Variants in UGT8 observed in about 807,000 individuals in gnomAD.
The protein encoded by UGT8 is 2-hydroxyacylsphingosine 1-beta-galactosyltransferase.
A neutral mutation model predicts 40.5 loss-of-function variants in UGT8; 12 were observed. The ratio of observed to expected loss-of-function variants is 0.30; its 90% CI spans 0.19 to 0.48. The LOEUF (loss-of-function observed/expected upper bound fraction) is 0.48. Among genes scored for constraint, UGT8 ranks in the 20% least tolerant of loss-of-function variants. UGT8 has a pLI of 0.99. For synonymous variants in UGT8, 224 were observed against 240.4 expected (o/e 0.93, Z 0.63); for missense variants, 513 against 648.7 (o/e 0.79, Z 2.27).
At chr4:114,604,699 A>C (rs1730635817) in intron 1 of UGT8, among the ~76,000 whole-genome samples, 1 of 152,140 alleles carries the variant, frequency 6.6e-6, no homozygotes, top group African/African-American at 2.4e-5. Context: ...CACATAGTAC[A>C]TATTGTTTAC....
At chr4:114,602,194 T>TA (rs34723146) in intron 1 of UGT8, among the ~76,000 whole-genome samples, 1 of 152,058 alleles carries the variant, frequency 6.6e-6, no homozygotes, top group African/African-American at 2.4e-5. Context: ...AAGCAGCCTT[T>TA]AAAAAAAAGT....
chr4:114,605,946 T>C (rs1730704357), intron 1 of UGT8, among the ~76,000 whole-genome samples: 1 of 152,176 alleles, frequency 6.6e-6, no homozygotes, highest in South Asian at 2.1e-4. Flanking sequence ...AAGCACATTA[T>C]ATATTAAATA....
At chr4:114,666,651 T>G (rs563505630) in intron 4 of UGT8, among the ~76,000 whole-genome samples, 4 of 152,310 alleles carry the variant, frequency 2.6e-5, no homozygotes, top group South Asian at 4.1e-4. Context: ...ATCAACTATT[T>G]CAGTGCGACA....
At chr4:114,632,025 C>T (rs895748898) in intron 2 of UGT8, among the ~76,000 whole-genome samples, 2 of 152,134 alleles carry the variant, frequency 1.3e-5, no homozygotes, top group African/African-American at 4.8e-5. Context: ...ACAGCCATGT[C>T]AGTAATAGGT....
At chr4:114,674,478 G>T (rs1478408531) in intron 5 of UGT8, among the ~76,000 whole-genome samples, 1 of 151,908 alleles carries the variant, frequency 6.6e-6, no homozygotes, top group East Asian at 1.9e-4. Flanking sequence ...GGTCATTATT[G>T]AGGTCTTTTT....
intron 1 of UGT8, among the ~76,000 whole-genome samples, chr4:114,609,979 A>AT (rs1181825167): frequency 1.3e-5 from 2 of 152,078 alleles, no homozygotes; most frequent in Non-Finnish European, 2.9e-5. Context: ...ATATATTGTA[A>AT]TTTTTTCATG....
intron 2 of UGT8, among the ~76,000 whole-genome samples, chr4:114,640,119 C>T (rs567847268): frequency 2.0e-5 from 3 of 151,742 alleles, no homozygotes; most frequent in Non-Finnish European, 2.9e-5. Context: ...CAAGCTCCGC[C>T]TCCCGGGTTC....
At chr4:114,647,707 G>C (rs1283117634) in intron 2 of UGT8, among the ~76,000 whole-genome samples, 1 of 152,036 alleles carries the variant, frequency 6.6e-6, no homozygotes, top group East Asian at 1.9e-4. Context: ...AGGACTGCTT[G>C]TATCTCCATT....
At chr4:114,645,991 A>G (rs1189113625) in intron 2 of UGT8, among the ~76,000 whole-genome samples, 1 of 152,142 alleles carries the variant, frequency 6.6e-6, no homozygotes, top group Non-Finnish European at 1.5e-5. Flanking sequence ...TAAATAGATA[A>G]CTGCACAGAG....
intron 2 of UGT8, among the ~76,000 whole-genome samples, chr4:114,632,027 G>A (rs4521362): frequency 0.88 from 133,829 of 152,196 alleles, 60,578 homozygotes; most frequent in East Asian, 1. Flanking sequence ...AGCCATGTCA[G>A]TAATAGGTAA....
At chr4:114,610,657 G>A (rs1470785760) in intron 1 of UGT8, among the ~76,000 whole-genome samples, 2 of 152,032 alleles carry the variant, frequency 1.3e-5, no homozygotes, top group African/African-American at 4.8e-5. Flanking sequence ...ATACAACCTT[G>A]TCCTAGTGAT....
Position 114,675,972 on chromosome 4 carries a change from C to G in UGT8, c.1310C>G (p.Pro437Arg), listed in dbSNP as rs1481163907. ...CTTTCGGAAATTCACAAGGATCAAC[C>G]TGGTCACCCTGTCAATCGAACTATC... ...QKLSEIHKDQ[P>R]GHPVNRTIYW... Residue 437 changes from proline (P) to arginine (R), a missense_variant, in exon 6 of 6, where the codon CCT becomes CGT. By Grantham distance (103) the Pro-to-Arg change is moderately radical. Coordinates refer to ENST00000310836, the MANE Select transcript of UGT8 (RefSeq NM_001128174.3). 1.9e-6 allele frequency: 3 copies of G among 1,614,120 alleles called. No homozygotes were observed. The highest frequency in any genetic ancestry group is 2.2e-5 in the East Asian group (1 of 44,876).
intron 1 of UGT8, among the ~76,000 whole-genome samples, chr4:114,620,070 G>A (rs1731689407): frequency 6.6e-6 from 1 of 151,748 alleles, no homozygotes; most frequent in Non-Finnish European, 1.5e-5. Context: ...TTTTTACTTT[G>A]TAGTAATTAC....
chr4:114,667,584 G>C (rs563448897), intron 4 of UGT8, among the ~76,000 whole-genome samples: 27 of 152,288 alleles, frequency 1.8e-4, no homozygotes, highest in African/African-American at 5.5e-4. Flanking sequence ...GATAGAACTT[G>C]AATGTTGTGA....
At chr4:114,670,673 T>G (rs1735206881) in intron 5 of UGT8, among the ~76,000 whole-genome samples, 1 of 151,984 alleles carries the variant, frequency 6.6e-6, no homozygotes, top group Non-Finnish European at 1.5e-5. Context: ...CTCAAAACAA[T>G]AAGAGGTATT....
chr4:114,647,205 A>G (rs994852520), intron 2 of UGT8, among the ~76,000 whole-genome samples: 4 of 152,140 alleles, frequency 2.6e-5, no homozygotes, highest in African/African-American at 9.7e-5. Flanking sequence ...AAAAGATGTC[A>G]ACTGCTTCCT....
intron 2 of UGT8, among the ~76,000 whole-genome samples, chr4:114,639,761 A>G (rs1396587585): frequency 6.6e-6 from 1 of 152,242 alleles, no homozygotes; most frequent in Non-Finnish European, 1.5e-5. Context: ...CATGAAATGT[A>G]AAACAATAAA....
intron 2 of UGT8, among the ~76,000 whole-genome samples, chr4:114,636,095 T>C (rs537870125): frequency 1.3e-5 from 2 of 152,330 alleles, no homozygotes; most frequent in African/African-American, 4.8e-5. Flanking sequence ...CATGGTAATA[T>C]ATATGTGATT....
chr4:114,656,082 G>A (rs938455866), intron 2 of UGT8, among the ~76,000 whole-genome samples: 6 of 152,116 alleles, frequency 3.9e-5, no homozygotes, highest in South Asian at 4.1e-4. Context: ...TAGGTGGTAC[G>A]TGATTTTGAC....
Sources: gnomAD v4.1 joint callset for allele counts (sites outside exome capture counted in the v4.1 genomes callset) on GRCh38, gnomAD v4.1.1 for gene constraint, MANE v1.5 for transcripts, NCBI Gene and HGNC (gene_info 2026-07-23, HGNC 2026-07-21) for gene names.